PAX5: variants seen among roughly 807,000 people sequenced by gnomAD.
PAX5 encodes the protein paired box 5.
In PAX5, 9 loss-of-function variants were observed where a neutral mutation model predicts 43.7. The observed-to-expected ratio is 0.21, with a 90% CI of 0.12 to 0.36. PAX5 has a LOEUF of 0.36. Among genes scored for constraint, PAX5 ranks in the 10% least tolerant of loss-of-function variants. PAX5 has a pLI of 1.00. For synonymous variants in PAX5, 228 were observed against 214.3 expected (o/e 1.06, Z -0.56); for missense variants, 383 against 532.7 (o/e 0.72, Z 2.77).
At chr9:36,843,314 G>T (rs1822258542) in intron 9 of PAX5, among the ~76,000 whole-genome samples, 1 of 152,204 alleles carries the variant, frequency 6.6e-6, no homozygotes. Flanking sequence ...TGAAGACACC[G>T]TGGGGCAGGG....
At chr9:36,975,994 CAGA>C (rs754430809) in intron 5 of PAX5, among the ~76,000 whole-genome samples, 12 of 152,170 alleles carry the variant, frequency 7.9e-5, no homozygotes, top group Admixed American at 2.0e-4. Context: ...CTGTATGGCT[CAGA>C]AGAATTCAGC....
At chr9:36,965,316 T>C (rs1834323678) in intron 6 of PAX5, among the ~76,000 whole-genome samples, 1 of 152,212 alleles carries the variant, frequency 6.6e-6, no homozygotes, top group Non-Finnish European at 1.5e-5. Context: ...TGTGACCCAG[T>C]GCATGGCTCC....
At chr9:36,863,908 A>T (rs1824502052) in intron 8 of PAX5, among the ~76,000 whole-genome samples, 1 of 152,252 alleles carries the variant, frequency 6.6e-6, no homozygotes, top group Admixed American at 6.5e-5. Context: ...CAGGAGCTCA[A>T]GACCAGCCTG....
intron 4 of PAX5, among the ~76,000 whole-genome samples, chr9:37,005,688 T>A (rs1213026445): frequency 1.3e-5 from 2 of 152,254 alleles, no homozygotes; most frequent in African/African-American, 4.8e-5. Context: ...TTCTGCAGGA[T>A]TGACTGTGGC....
chr9:36,969,260 C>T (rs1394948542), intron 5 of PAX5, among the ~76,000 whole-genome samples: 1 of 152,230 alleles, frequency 6.6e-6, no homozygotes, highest in African/African-American at 2.4e-5. Flanking sequence ...CTCCGGCCCA[C>T]CCAGGCTGCT....
chr9:36,993,598 G>A (rs999526896), intron 5 of PAX5, among the ~76,000 whole-genome samples: 8 of 152,216 alleles, frequency 5.3e-5, no homozygotes, highest in African/African-American at 1.7e-4. Flanking sequence ...TTGAAGCCTT[G>A]TAAATTCTCT....
At chr9:36,915,037 AATTT>A (rs1248004087) in intron 7 of PAX5, among the ~76,000 whole-genome samples, 4 of 152,190 alleles carry the variant, frequency 2.6e-5, no homozygotes, top group African/African-American at 9.7e-5. Context: ...CAAGAGACAT[AATTT>A]ATTTAACCAG....
intron 5 of PAX5, among the ~76,000 whole-genome samples, chr9:37,001,584 G>A (rs534531164): frequency 3.9e-5 from 6 of 152,270 alleles, no homozygotes; most frequent in East Asian, 1.9e-4. Flanking sequence ...GTTCCAAACC[G>A]AGGCCACCGG....
chr9:36,856,323 C>T (rs1019724916), intron 8 of PAX5, among the ~76,000 whole-genome samples: 4 of 152,226 alleles, frequency 2.6e-5, no homozygotes, highest in African/African-American at 9.6e-5. Context: ...GGGAATAAAA[C>T]ACACAAAGAG....
chr9:36,881,821 G>A (rs528881863), intron 8 of PAX5, among the ~76,000 whole-genome samples, 183 bp downstream of exon 8: 2 of 152,228 alleles, frequency 1.3e-5, no homozygotes, highest in Non-Finnish European at 2.9e-5. Flanking sequence ...CCTCCCTGGT[G>A]CCGCTGCTGG....
chr9:36,874,108 C>T (rs1288091108), intron 8 of PAX5, among the ~76,000 whole-genome samples: 4 of 152,166 alleles, frequency 2.6e-5, no homozygotes, highest in Non-Finnish European at 5.9e-5. Context: ...ACCTTCTCCT[C>T]CCCGCTCCAG....
chr9:36,840,833 C>T (rs1821989403), intron 9 of PAX5, among the ~76,000 whole-genome samples, 197 bp from the exon 10 acceptor site: 1 of 152,172 alleles, frequency 6.6e-6, no homozygotes, highest in African/African-American at 2.4e-5. Context: ...AGGCTCTTCG[C>T]CATCTAGAGC....
intron 8 of PAX5, among the ~76,000 whole-genome samples, chr9:36,850,346 A>G (rs1823036524): frequency 6.6e-6 from 1 of 152,248 alleles, no homozygotes; most frequent in Non-Finnish European, 1.5e-5. Context: ...GCCACAGTCT[A>G]AGCAAGAGGG....
At chr9:36,988,266 G>A (rs1010788880) in intron 5 of PAX5, among the ~76,000 whole-genome samples, 10 of 152,242 alleles carry the variant, frequency 6.6e-5, no homozygotes, top group African/African-American at 2.2e-4. Flanking sequence ...TTGTGTTTCA[G>A]AAACATGGAG....
intron 5 of PAX5, among the ~76,000 whole-genome samples, chr9:36,968,265 A>T (rs992364557): frequency 1.3e-5 from 2 of 152,198 alleles, no homozygotes; most frequent in African/African-American, 4.8e-5. Context: ...ACTAGACTTC[A>T]TCCGTCACGT....
intron 3 of PAX5, among the ~76,000 whole-genome samples, chr9:37,013,573 A>G (rs998172573): frequency 2.0e-5 from 3 of 152,110 alleles, no homozygotes; most frequent in African/African-American, 7.3e-5. Flanking sequence ...ATAAAACACA[A>G]TGGAGCCTCT....
intron 7 of PAX5, among the ~76,000 whole-genome samples, chr9:36,908,964 G>A (rs1248375220): frequency 6.6e-6 from 1 of 152,008 alleles, no homozygotes; most frequent in Non-Finnish European, 1.5e-5. Flanking sequence ...TATTTCTTGG[G>A]AACATTGTGC....
intron 8 of PAX5, among the ~76,000 whole-genome samples, chr9:36,872,222 G>A (rs560940283): frequency 1.3e-5 from 2 of 152,290 alleles, no homozygotes; most frequent in Admixed American, 6.5e-5. Flanking sequence ...TCCAGCCCTT[G>A]GAAGTGATTA....
intron 7 of PAX5, among the ~76,000 whole-genome samples, chr9:36,907,861 A>G (rs1318476534): frequency 6.6e-6 from 1 of 152,162 alleles, no homozygotes; most frequent in African/African-American, 2.4e-5. Context: ...GACTGAGGAG[A>G]CGTGGGGACA....
Sources: gnomAD v4.1 joint callset for allele counts (sites outside exome capture counted in the v4.1 genomes callset) on GRCh38, gnomAD v4.1.1 for gene constraint, MANE v1.5 for transcripts, NCBI Gene and HGNC (gene_info 2026-07-23, HGNC 2026-07-21) for gene names.